LYN: variants seen among roughly 807,000 people sequenced by gnomAD.
The protein encoded by LYN is LYN proto-oncogene, Src family tyrosine kinase.
LYN carries 12 observed loss-of-function variants against 65.0 expected under a neutral mutation model. The ratio of observed to expected loss-of-function variants is 0.18; its 90% CI spans 0.12 to 0.30. The LOEUF (loss-of-function observed/expected upper bound fraction) is 0.30, where lower values mean the gene tolerates loss of function less well. LYN is among the 10% of genes least tolerant of loss of function. The probability of loss-of-function intolerance (pLI) is 1.00; values close to 1 mark genes in which losing one functional copy is unlikely to be tolerated. For missense variants in LYN, 380 were observed against 623.2 expected, an observed-to-expected ratio of 0.61 and a Z score of 4.16; for synonymous variants, 222 against 221.2, an observed-to-expected ratio of 1.00 and a Z score of -0.03.
intron 9 of LYN, among the ~76,000 whole-genome samples, chr8:55,968,344 C>T (rs10088887): frequency 0.43 from 65,205 of 151,628 alleles, 14,382 homozygotes; most frequent in Middle Eastern, 0.54. Flanking sequence ...CAACCTCTGC[C>T]TCCCAGGTTC....
chr8:55,998,766 A>G lies in LYN; in HGVS notation c.1204+267A>G, dbSNP rs747522540. On this transcript the variant is annotated intron_variant, in intron 11 of 12. Transcript: ENST00000519728. ...AGCAATGCAAAACACAAATAGATTCAGCAAGATGATTCTTGTTTATTTTGT... is the reference window on the plus strand; with the variant it reads ...AGCAATGCAAAACACAAATAGATTCGGCAAGATGATTCTTGTTTATTTTGT... Among the ~76,000 whole-genome samples the G allele has an allele frequency of 1.0e-3, 157 of 152,376 alleles. 1 individual carries two copies. The highest frequency in any genetic ancestry group is 3.1e-4 in the Non-Finnish European group (21 of 68,038).
At chr8:55,947,839 T>C in intron 4 of LYN, 116 bp downstream of exon 4, 1 of 711,780 alleles carries the variant, frequency 1.4e-6, no homozygotes. Context: ...TTTCTTGTAA[T>C]GGGTATGAGG....
chr8:55,947,401 T>A (rs12334430), intron 3 of LYN, among the ~76,000 whole-genome samples: 41,239 of 152,168 alleles, frequency 0.27, 7,421 homozygotes, highest in African/African-American at 0.51. Context: ...ATAGTTTTAG[T>A]TTTAAGTGAT....
intron 10 of LYN, among the ~76,000 whole-genome samples, chr8:55,995,504 C>T (rs1462728678): frequency 6.6e-6 from 1 of 152,196 alleles, no homozygotes; most frequent in African/African-American, 2.4e-5. Flanking sequence ...GTGCTTAGTG[C>T]TGTGCTGTGC....
intron 1 of LYN, among the ~76,000 whole-genome samples, chr8:55,935,012 C>T (rs963036357): frequency 1.3e-5 from 2 of 152,138 alleles, no homozygotes; most frequent in African/African-American, 4.8e-5. Context: ...GGAGGTGATG[C>T]CCACACCATG....
intron 1 of LYN, among the ~76,000 whole-genome samples, chr8:55,912,524 G>A (rs919663151): frequency 6.6e-6 from 1 of 152,100 alleles, no homozygotes; most frequent in African/African-American, 2.4e-5. Context: ...CCAGGAGTTC[G>A]AGACCAGCCT....
chr8:55,898,259 T>C (rs1306281770), intron 1 of LYN, among the ~76,000 whole-genome samples: 2 of 152,180 alleles, frequency 1.3e-5, no homozygotes, highest in East Asian at 3.8e-4. Context: ...GTGATCGTTT[T>C]ATTGTCTTTT....
intron 1 of LYN, among the ~76,000 whole-genome samples, chr8:55,911,506 A>G (rs1760064095): frequency 6.6e-6 from 1 of 151,676 alleles, no homozygotes; most frequent in African/African-American, 2.4e-5. Flanking sequence ...TTTTGTACAG[A>G]CTGAGATGAC....
At chr8:55,900,621 T>C (rs1199512084) in intron 1 of LYN, among the ~76,000 whole-genome samples, 1 of 151,146 alleles carries the variant, frequency 6.6e-6, no homozygotes, top group African/African-American at 2.4e-5. Flanking sequence ...CCTCAAATGG[T>C]CCTCCAGTCT....
chr8:55,915,034 A>C (rs1194228616), intron 1 of LYN, among the ~76,000 whole-genome samples: 4 of 152,196 alleles, frequency 2.6e-5, no homozygotes, highest in African/African-American at 9.7e-5. Flanking sequence ...AATTAGATTA[A>C]AACGTTACAT....
At chr8:55,929,462 G>C (rs1017704944) in intron 1 of LYN, among the ~76,000 whole-genome samples, 1 of 152,206 alleles carries the variant, frequency 6.6e-6, no homozygotes, top group African/African-American at 2.4e-5. Flanking sequence ...TTCTGGTTAT[G>C]TCCTTTACAT....
intron 8 of LYN, among the ~76,000 whole-genome samples, chr8:55,965,880 T>G (rs1807441116): frequency 6.6e-6 from 1 of 152,142 alleles, no homozygotes; most frequent in Non-Finnish European, 1.5e-5. Context: ...ATCCCAGCAC[T>G]TTGGGAGGCT....
chr8:55,977,676 G>A (rs780352463), intron 10 of LYN, among the ~76,000 whole-genome samples: 9 of 151,720 alleles, frequency 5.9e-5, no homozygotes, highest in Non-Finnish European at 1.2e-4. Context: ...TCTTTGGGAG[G>A]CTGAAGTGGG....
At chr8:56,001,671 T>G (rs1358260403) in intron 12 of LYN, among the ~76,000 whole-genome samples, 2 of 152,220 alleles carry the variant, frequency 1.3e-5, no homozygotes, top group East Asian at 3.8e-4. Context: ...CAGTGTCTGA[T>G]GTTATATATC....
intron 1 of LYN, among the ~76,000 whole-genome samples, chr8:55,934,696 T>C (rs1221607680): frequency 3.3e-5 from 5 of 152,260 alleles, no homozygotes; most frequent in African/African-American, 1.2e-4. Context: ...GCCAACTCCT[T>C]ATTCAGACCC....
intron 1 of LYN, among the ~76,000 whole-genome samples, chr8:55,926,679 TAAG>T (rs1806118188): frequency 6.6e-6 from 1 of 152,254 alleles, no homozygotes; most frequent in Admixed American, 6.5e-5. Context: ...TATTGGGTGT[TAAG>T]AAGAAGCACA....
At chr8:55,940,060 G>A (rs1282140610) in intron 1 of LYN, among the ~76,000 whole-genome samples, 1 of 152,196 alleles carries the variant, frequency 6.6e-6, no homozygotes, top group Non-Finnish European at 1.5e-5. Flanking sequence ...CGCAGGCCTG[G>A]ACGCGTGGCA....
At chr8:55,981,406 C>T (rs1232544177) in intron 10 of LYN, among the ~76,000 whole-genome samples, 1 of 152,218 alleles carries the variant, frequency 6.6e-6, no homozygotes, top group African/African-American at 2.4e-5. Context: ...GATGACTATA[C>T]TGGCCACTTA....
intron 1 of LYN, among the ~76,000 whole-genome samples, chr8:55,915,966 A>G (rs569934985): frequency 1.3e-5 from 2 of 152,346 alleles, no homozygotes; most frequent in South Asian, 4.1e-4. Context: ...CTATTTTAAT[A>G]CCTCTAAACT....
Sources: gnomAD v4.1 joint callset for allele counts (sites outside exome capture counted in the v4.1 genomes callset) on GRCh38, gnomAD v4.1.1 for gene constraint, MANE v1.5 for transcripts, NCBI Gene and HGNC (gene_info 2026-07-23, HGNC 2026-07-21) for gene names.